Variants in CHEK1 observed in about 807,000 individuals in gnomAD.
CHEK1 encodes serine/threonine-protein kinase Chk1.
A neutral mutation model predicts 60.2 loss-of-function variants in CHEK1; 32 were observed. The observed-to-expected ratio is 0.53, with a 90% confidence interval of 0.40 to 0.71. The LOEUF (loss-of-function observed/expected upper bound fraction) is 0.71, where lower values mean the gene tolerates loss of function less well. Ranked by LOEUF, CHEK1 falls within the 30% of genes least tolerant of loss-of-function variation. The pLI is 0.00. For missense variants in CHEK1, 399 were observed against 564.6 expected, an observed-to-expected ratio of 0.71 and a Z score of 2.97; for synonymous variants, 179 against 187.2, an observed-to-expected ratio of 0.96 and a Z score of 0.36.
chr11:125,650,458 G>GTTTT (rs71279471), intron 11 of CHEK1, among the ~76,000 whole-genome samples: 16,249 of 130,516 alleles, frequency 0.12, 1,267 homozygotes, highest in East Asian at 0.17. Context: ...AGTGGTGTTT[G>GTTTT]TTTTTTTTTT....
At chr11:125,677,444 A>G (rs1018179840), downstream of CHEK1, among the ~76,000 whole-genome samples, 11 of 152,246 alleles carry the variant, frequency 7.2e-5, no homozygotes, top group Admixed American at 6.5e-5. Context: ...CAGGGTTAGC[A>G]TAAAGCTAAT....
In CHEK1 at chr11:125,656,274, C is replaced by T. The variant is rs1341628002; in HGVS notation, c.*954C>T. 1.4e-5 allele frequency: 3 copies of T among 213,684 alleles called. No individual in the cohort carries two copies. The highest frequency in any genetic ancestry group is 6.8e-5 in the African/African-American group (3 of 44,282). 13.2% of individuals were successfully genotyped at this position (213,684 alleles called of 1,614,324 possible). A position where few individuals can be genotyped will look rare whatever the true frequency, so the allele number is the denominator to read the frequency against. The stretch of plus-strand genomic sequence containing the variant: ...GCTGAGAGAGGAGGATCGCGTGAAC[C>T]TGGAAGTTTGAGGCTGTAGTGAGCT... On this transcript the variant is annotated 3_prime_UTR_variant, in exon 13 of 13. Coordinates refer to ENST00000438015, the MANE Select transcript of CHEK1 (RefSeq NM_001114122.3).
At chr11:125,669,522 C>CT (rs67333022) in intron 13 of CHEK1, among the ~76,000 whole-genome samples, 12,581 of 114,706 alleles carry the variant, frequency 0.11, 1,012 homozygotes, top group East Asian at 0.17. Flanking sequence ...TTCTTTTTTC[C>CT]TTTTTTTTTT....
downstream of CHEK1, chr11:125,677,845 C>T (rs891659524): frequency 8.7e-6 from 14 of 1,614,116 alleles, no homozygotes; most frequent in Non-Finnish European, 1.2e-5. Flanking sequence ...TCCCCTGAAG[C>T]GTGCTCACCT....
chr11:125,661,034 C>T (rs749859408), downstream of CHEK1, among the ~76,000 whole-genome samples: 1 of 152,132 alleles, frequency 6.6e-6, no homozygotes, highest in Non-Finnish European at 1.5e-5. Context: ...CCTTGTCCTC[C>T]CCAAGTGCTG....
intron 13 of CHEK1, among the ~76,000 whole-genome samples, chr11:125,663,540 T>C (rs1942052832): frequency 6.6e-6 from 1 of 152,162 alleles, no homozygotes; most frequent in African/African-American, 2.4e-5. Context: ...TCCTTTTAAG[T>C]TCCTTGTAGA....
chr11:125,633,134 C>T (rs773704727), intron 5 of CHEK1, 29 bp from the exon 6 acceptor site: 1 of 1,536,894 alleles, frequency 6.5e-7, no homozygotes, highest in South Asian at 1.3e-5. Flanking sequence ...CATTTTTATT[C>T]AGTGTCATCT....
intron 11 of CHEK1, among the ~76,000 whole-genome samples, chr11:125,652,996 G>T (rs529919978): frequency 2.0e-5 from 3 of 151,944 alleles, no homozygotes; most frequent in African/African-American, 7.3e-5. Flanking sequence ...AGTATCCTCT[G>T]TTCTGCCTTC....
At chr11:125,666,738 C>T (rs1942106326) in intron 13 of CHEK1, among the ~76,000 whole-genome samples, 1 of 152,092 alleles carries the variant, frequency 6.6e-6, no homozygotes, top group African/African-American at 2.4e-5. Context: ...CTTTAACAAT[C>T]TATAAGGATG....
chr11:125,655,334 T>C lies in CHEK1; in HGVS notation c.*14T>C. On this transcript the variant is annotated 3_prime_UTR_variant, in exon 13 of 13. Transcript: ENST00000438015. The stretch of plus-strand genomic sequence containing the variant: ...CCTGCCACATGATCGGACCATCGGC[T>C]CTGGGGAATCCTGGTGAATATAGTG... The C allele has an allele frequency of 6.4e-7, 1 of 1,558,994 alleles. No individual in the cohort carries two copies. Among genetic ancestry groups the C allele is most frequent in the South Asian group, 1.1e-5 (1 of 89,708 alleles).
chr11:125,653,097 C>T lies in CHEK1; in HGVS notation c.1234-649C>T, dbSNP rs1941793612. On this transcript the variant is annotated intron_variant, in intron 11 of 12. Coordinates refer to ENST00000438015, the MANE Select transcript of CHEK1 (RefSeq NM_001114122.3). The surrounding 1 kb of genome is among the most constrained non-coding windows in gnomAD (Gnocchi z 4.3). ...TCTGTTCCTGGCTTATTTCACTTTA[C>T]ATAATGTCCTCCAGTTCCACCCATG... 6.6e-6 allele frequency among the ~76,000 whole-genome samples: 1 copy of T among 152,200 alleles called. No homozygotes were observed. Among genetic ancestry groups the T allele is most frequent in the Non-Finnish European group, 1.5e-5 (1 of 68,028 alleles).
At chr11:125,633,022 G>T (rs530750180) in intron 5 of CHEK1, 141 bp from the exon 6 acceptor site, 1 of 629,690 alleles carries the variant, frequency 1.6e-6, no homozygotes, top group Non-Finnish European at 2.5e-6. Context: ...ATTTCTTTTT[G>T]TCTATTTTGC....
At chr11:125,632,362 T>C (rs1375347255) in intron 5 of CHEK1, among the ~76,000 whole-genome samples, 1 of 152,224 alleles carries the variant, frequency 6.6e-6, no homozygotes, top group Non-Finnish European at 1.5e-5. Context: ...TTTTGCCAAA[T>C]TGCCCTCTGA....
At chr11:125,657,470 C>T (rs992899269), downstream of CHEK1, among the ~76,000 whole-genome samples, 7 of 152,002 alleles carry the variant, frequency 4.6e-5, no homozygotes, top group Non-Finnish European at 8.8e-5. Context: ...CACTTCTTTC[C>T]CCCAGAAATA....
intron 13 of CHEK1, among the ~76,000 whole-genome samples, chr11:125,663,973 T>C (rs1199730132): frequency 1.3e-5 from 2 of 152,148 alleles, no homozygotes; most frequent in African/African-American, 4.8e-5. Context: ...CCCTTGCTTG[T>C]TTTTGTCAAC....
chr11:125,655,164 G>T, intron 12 of CHEK1, 61 bp from the exon 13 acceptor site: 1 of 1,244,848 alleles, frequency 8.0e-7, no homozygotes, highest in Non-Finnish European at 1.2e-6. Context: ...ATTGATTTTA[G>T]GACAGAATTT....
Position 125,644,275 on chromosome 11 carries a change from G to A in CHEK1, c.1101+7G>A, listed in dbSNP as rs762566008. The A allele has an allele frequency of 5.6e-6, 9 of 1,596,048 alleles. No individual in the cohort carries two copies. On this transcript the variant is annotated splice_region_variant and intron_variant, in intron 10 of 12. Transcript: ENST00000438015. ...CACCCCAGGATCCTCACAGGTGAGGGAATTTAATTTTTTAAAAGTAATGGC... is the reference window on the plus strand; with the variant it reads ...CACCCCAGGATCCTCACAGGTGAGGAAATTTAATTTTTTAAAAGTAATGGC...
At chr11:125,672,541 A>G in intron 13 of CHEK1, 2 of 1,604,920 alleles carry the variant, frequency 1.2e-6, no homozygotes, top group African/African-American at 1.3e-5. Context: ...AGCCAAATAG[A>G]GTGATGGAGG....
chr11:125,678,980 A>T (rs1192313375), downstream of CHEK1, among the ~76,000 whole-genome samples: 2 of 135,978 alleles, frequency 1.5e-5, no homozygotes, highest in East Asian at 2.2e-4. Context: ...TAGGCATATT[A>T]TATATATATA....
Sources: allele counts gnomAD v4.1 joint callset (sites outside exome capture counted in the v4.1 genomes callset), GRCh38; gene constraint gnomAD v4.1.1; non-coding constraint Gnocchi (gnomAD v3.1); transcripts MANE v1.5; gene names NCBI Gene and HGNC (gene_info 2026-07-23, HGNC 2026-07-21).